Variants in MYO5C observed in about 807,000 individuals in gnomAD.
The protein encoded by MYO5C is myosin VC, also known as unconventional myosin-Vc.
Under a neutral mutation model 235.7 loss-of-function variants are expected in MYO5C, and 194 were observed. That is an observed-to-expected ratio of 0.82 (90% confidence interval 0.73 to 0.93). The LOEUF (loss-of-function observed/expected upper bound fraction) is 0.93, where lower values mean the gene tolerates loss of function less well. Among genes scored for constraint, MYO5C ranks in the 40% least tolerant of loss-of-function variants. The probability of loss-of-function intolerance (pLI) is 0.00; values close to 1 mark genes in which losing one functional copy is unlikely to be tolerated. For missense variants in MYO5C, 2,038 were observed against 2,127.2 expected, an observed-to-expected ratio of 0.96 and a Z score of 0.82; for synonymous variants, 707 against 754.8, an observed-to-expected ratio of 0.94 and a Z score of 1.04.
At chr15:52,263,374 T>C (rs1215992708) in intron 9 of MYO5C, among the ~76,000 whole-genome samples, 6 of 152,178 alleles carry the variant, frequency 3.9e-5, no homozygotes, top group Admixed American at 2.0e-4. Context: ...ACACATCAAA[T>C]TAACTTGTGT....
Position 52,271,772 on chromosome 15 carries a change from G to A in MYO5C, c.823C>T (p.Leu275Phe). ...ASAQQSEFKHLKLGSAEEFNY... is the reference protein window; with the variant it reads ...ASAQQSEFKHFKLGSAEEFNY... ...ACGATCCATCACATACCCAATTTAAGATGTTTAAATTCCGACTGCTGTGCA... is the reference window on the plus strand; with the variant it reads ...ACGATCCATCACATACCCAATTTAAAATGTTTAAATTCCGACTGCTGTGCA... Residue 275 changes from leucine (L) to phenylalanine (F), a missense_variant, in exon 7 of 41, where the codon CTT (leucine) becomes TTT (phenylalanine). Coordinates refer to ENST00000261839, the MANE Select transcript of MYO5C (RefSeq NM_018728.4). The A allele has an allele frequency of 6.5e-7, 1 of 1,539,716 alleles. No homozygotes were observed. The highest frequency in any genetic ancestry group is 8.8e-7 in the Non-Finnish European group (1 of 1,130,712).
chr15:52,257,489 A>G (rs1025896470), intron 10 of MYO5C, among the ~76,000 whole-genome samples: 2 of 152,184 alleles, frequency 1.3e-5, no homozygotes, highest in Non-Finnish European at 2.9e-5. Flanking sequence ...AAGTCAGAAA[A>G]CTGGGACTTT....
intron 35 of MYO5C, among the ~76,000 whole-genome samples, chr15:52,208,980 C>A (rs149444558): frequency 6.6e-6 from 1 of 152,194 alleles, no homozygotes; most frequent in African/African-American, 2.4e-5. Flanking sequence ...AGAGCCCATA[C>A]GATGGCTGTA....
intron 12 of MYO5C, among the ~76,000 whole-genome samples, chr15:52,252,311 G>A (rs2036488479): frequency 6.6e-6 from 1 of 152,150 alleles, no homozygotes; most frequent in Admixed American, 6.5e-5. Context: ...CACCTGAATA[G>A]AGAGTCCTCC....
chr15:52,251,412 A>C lies in MYO5C; in HGVS notation c.1640T>G (p.Val547Gly), dbSNP rs752739825. ...EKPRMSNTSF[V>G]IQHFADKVEY... ...TACCTTATCAGCAAAGTGCTGGATGACAAAGGATGTGTTTGACATTCTAGG... is the reference window on the plus strand; with the variant it reads ...TACCTTATCAGCAAAGTGCTGGATGCCAAAGGATGTGTTTGACATTCTAGG... The change falls in exon 13 of 41, where the codon GTC (valine) becomes GGC (glycine). Residue 547 changes from valine to glycine, a missense_variant. Physicochemically the swap from Val to Gly is moderately radical, Grantham distance 109. Coordinates refer to ENST00000261839, the MANE Select transcript of MYO5C (RefSeq NM_018728.4). 6.3e-7 allele frequency: 1 copy of C among 1,596,978 alleles called. No individual in the cohort carries two copies. Among genetic ancestry groups the C allele is most frequent in the Non-Finnish European group, 8.5e-7 (1 of 1,170,240 alleles).
intron 40 of MYO5C, 73 bp from the exon 41 acceptor site, chr15:52,194,127 G>T: frequency 6.8e-7 from 1 of 1,473,304 alleles, no homozygotes; most frequent in South Asian, 1.3e-5. Flanking sequence ...TGAAAGTCAA[G>T]GCAAAACACA....
chr15:52,213,069 G>C, intron 34 of MYO5C, 119 bp downstream of exon 34: 1 of 690,944 alleles, frequency 1.4e-6, no homozygotes. Context: ...TCTGGGCTGG[G>C]GGAAGAAGCA....
intron 19 of MYO5C, among the ~76,000 whole-genome samples, 189 bp downstream of exon 19, chr15:52,244,167 C>A (rs1431841368): frequency 6.6e-6 from 1 of 152,148 alleles, no homozygotes; most frequent in Non-Finnish European, 1.5e-5. Context: ...CCAGGCAGAG[C>A]CAGCACTACC....
intron 32 of MYO5C, among the ~76,000 whole-genome samples, chr15:52,215,651 A>G (rs2035535452): frequency 6.6e-6 from 1 of 152,196 alleles, no homozygotes; most frequent in Non-Finnish European, 1.5e-5. Flanking sequence ...AGCCCATCTT[A>G]TAATATATCT....
chr15:52,240,550 AAAAGAAG>A (rs2036193686), intron 20 of MYO5C, among the ~76,000 whole-genome samples: 2 of 142,518 alleles, frequency 1.4e-5, no homozygotes, highest in Non-Finnish European at 3.1e-5. Context: ...CAAAAAAAGA[AAAAGAAG>A]AAAAAAGAAA....
At chr15:52,229,928 C>T (rs886654334) in intron 24 of MYO5C, among the ~76,000 whole-genome samples, 2 of 152,150 alleles carry the variant, frequency 1.3e-5, no homozygotes, top group Admixed American at 6.5e-5. Flanking sequence ...TCCCAACCCC[C>T]CGGGTTCCAT....
intron 27 of MYO5C, 34 bp from the exon 28 acceptor site, chr15:52,225,015 C>T (rs1445069669): frequency 6.2e-7 from 1 of 1,613,380 alleles, no homozygotes; most frequent in Admixed American, 1.7e-5. Context: ...AATCTATCAT[C>T]TCTGTCACGT....
Position 52,205,214 on chromosome 15 carries a change from T to C in MYO5C, c.4538-67A>G. 7 of 1,545,628 alleles carry C rather than the reference T, an allele frequency of 4.5e-6. No homozygotes were observed. The South Asian group carries it at 8.3e-5, about 18-fold the overall frequency. ...ACACGCGGAACGTTCCCGACGCTCT[T>C]CGGTTTGTTTCAGGAGATGGGACAT... On this transcript the variant is annotated intron_variant, in intron 37 of 40. Coordinates refer to ENST00000261839, the MANE Select transcript of MYO5C (RefSeq NM_018728.4).
rs1325222175 is a variant in MYO5C, at chr15:52,295,741, A to G, written c.-105T>C. On this transcript the variant is annotated 5_prime_UTR_variant, in exon 1 of 41. It removes the in-frame stop codon of an upstream open reading frame in the 5' UTR. Coordinates refer to ENST00000261839, the MANE Select transcript of MYO5C (RefSeq NM_018728.4). ...CGCAGGAGAGACCGCCGCGGAAATC[A>G]CCGCCGGGCCATCTTGCCCAAAGTT... The G allele has an allele frequency of 1.3e-6, 1 of 766,388 alleles. No individual in the cohort carries two copies. Among genetic ancestry groups the G allele is most frequent in the Non-Finnish European group, 1.9e-6 (1 of 539,348 alleles). The allele number at this position is 766,388 out of a possible 1,614,324, so 47.5% of individuals were successfully genotyped here.
chr15:52,205,656 T>G, intron 37 of MYO5C, 160 bp downstream of exon 37: 1 of 453,992 alleles, frequency 2.2e-6, no homozygotes, highest in South Asian at 6.2e-5. Context: ...GGAATCATTA[T>G]AAGCAAGCAA....
rs758230773 is a variant in MYO5C at position 52,223,744 on chromosome 15, G to A, written c.3447-20C>T. 8.7e-6 allele frequency: 14 copies of A among 1,604,398 alleles called. No homozygotes were observed. In the Admixed American group the frequency reaches 2.2e-4, roughly 25 times the overall value. ...AAAACACTATTAAAGGAGGGGTCAA[G>A]AAATAAACCACATGGCCTTTGTTCT... On this transcript the variant is annotated intron_variant, in intron 28 of 40. Coordinates refer to ENST00000261839, the MANE Select transcript of MYO5C (RefSeq NM_018728.4).
chr15:52,201,185 C>T (rs536361215), intron 38 of MYO5C, among the ~76,000 whole-genome samples: 3 of 152,076 alleles, frequency 2.0e-5, no homozygotes, highest in African/African-American at 7.2e-5. Context: ...TCAAGAAGCT[C>T]AGGAAATTCC....
chr15:52,218,481 A>G (rs2141282412), intron 32 of MYO5C, 38 bp downstream of exon 32: 2 of 1,603,356 alleles, frequency 1.2e-6, no homozygotes, highest in East Asian at 2.2e-5. Context: ...ACATCTGCAC[A>G]CAGACAGTCT....
intron 1 of MYO5C, among the ~76,000 whole-genome samples, chr15:52,285,271 G>C (rs1455874125): frequency 6.6e-6 from 1 of 152,064 alleles, no homozygotes; most frequent in East Asian, 1.9e-4. Flanking sequence ...AGGAGGCTGA[G>C]GCAGGATAAT....
Sources: allele counts gnomAD v4.1 joint callset (sites outside exome capture counted in the v4.1 genomes callset), GRCh38; gene constraint gnomAD v4.1.1; transcripts MANE v1.5; gene names NCBI Gene and HGNC (gene_info 2026-07-23, HGNC 2026-07-21).